Variants in PITHD1 observed in about 807,000 individuals in gnomAD.
PITHD1 encodes the protein PITH domain containing 1, also known as PITH domain-containing protein 1.
PITHD1 carries 8 observed loss-of-function variants against 27.5 expected under a neutral mutation model. That is an observed-to-expected ratio of 0.29 (90% confidence interval 0.17 to 0.52). PITHD1 has a LOEUF of 0.52. PITHD1 is among the 20% of genes least tolerant of loss of function. The pLI, the probability that PITHD1 is intolerant of heterozygous loss-of-function variation, is 0.96. For synonymous variants in PITHD1, 118 were observed against 106.8 expected (o/e 1.10, Z -0.64); for missense variants, 233 against 283.9 (o/e 0.82, Z 1.29).
chr1:23,782,717 G>A (rs570998375), intron 3 of PITHD1, among the ~76,000 whole-genome samples: 11 of 151,358 alleles, frequency 7.3e-5, no homozygotes, highest in Admixed American at 1.3e-4. Flanking sequence ...TCCTCCCACC[G>A]CAGCCTCCCA....
rs374328474 is a variant in PITHD1 at position 23,779,240 on chromosome 1, C to G, written c.199-198C>G. On this transcript the variant is annotated intron_variant, in intron 1 of 5. Transcript: ENST00000246151. The stretch of plus-strand genomic sequence containing the variant: ...TCATTCATGGGCTTTTTGTTAAGAA[C>G]CTTCCAGTTGGGTGGCCTGTGGCTG... The G allele has an allele frequency of 1.8e-5, 10 of 544,902 alleles. No individual in the cohort carries two copies. In the Middle Eastern group the frequency reaches 1.3e-3, roughly 70 times the overall value. The allele number at this position is 544,902 out of a possible 1,614,324, so 33.8% of individuals were successfully genotyped here.
chr1:23,783,883 G>A (rs1638645754), intron 3 of PITHD1, among the ~76,000 whole-genome samples: 1 of 152,174 alleles, frequency 6.6e-6, no homozygotes, highest in South Asian at 2.1e-4. Flanking sequence ...AAAGTATGTG[G>A]AGATTCATTA....
At position 23,779,721 on chromosome 1, in the gene PITHD1, G is replaced by A. The variant is rs527786447; in HGVS notation, c.243-143G>A. The A allele has an allele frequency of 8.6e-6, 6 of 696,518 alleles. No homozygotes were observed. In the East Asian group the frequency reaches 1.6e-4, roughly 18 times the overall value. The allele number at this position is 696,518 out of a possible 1,614,324, so 43.1% of individuals were successfully genotyped here. A position where few individuals can be genotyped will look rare whatever the true frequency, so the allele number is the denominator to read the frequency against. On this transcript the variant is annotated intron_variant, in intron 2 of 5. Transcript: ENST00000246151. The stretch of plus-strand genomic sequence containing the variant: ...TTAGAATTGTAGAATGCTAGAGGTA[G>A]ACAGGATCTTAGAAATTATCTAGTA...
chr1:23,779,784 G>T lies in PITHD1; in HGVS notation c.243-80G>T, dbSNP rs1638568128. 3 of 1,005,954 alleles carry T rather than the reference G, an allele frequency of 3.0e-6. No homozygotes were observed. In the Admixed American group the frequency reaches 5.1e-5, roughly 17 times the overall value. 62.3% of individuals were successfully genotyped at this position (1,005,954 alleles called of 1,614,324 possible). A position where few individuals can be genotyped will look rare whatever the true frequency, so the allele number is the denominator to read the frequency against. ...TGAGTAAACTGAAGCCCATACAGGGGAAGGGTCTTGCCCAGGGTCACACAA... is the reference window on the plus strand; with the variant it reads ...TGAGTAAACTGAAGCCCATACAGGGTAAGGGTCTTGCCCAGGGTCACACAA... On this transcript the variant is annotated intron_variant, in intron 2 of 5. Transcript: ENST00000246151.
chr1:23,784,264 G>A (rs1163817347), intron 3 of PITHD1, among the ~76,000 whole-genome samples: 8 of 108,058 alleles, frequency 7.4e-5, no homozygotes, highest in African/African-American at 1.8e-4. Context: ...TTTTTGAGAC[G>A]GAGTCTCGCT....
Position 23,787,458 on chromosome 1 carries a change from C to T in PITHD1, c.*82C>T, listed in dbSNP as rs945721231. ...TTGGGAAGGACAAAGGGATGAGGCT[C>T]CAGAGAGAGTTGGCTGCCACAGCCT... On this transcript the variant is annotated 3_prime_UTR_variant, in exon 6 of 6. Coordinates refer to ENST00000246151, the MANE Select transcript of PITHD1 (RefSeq NM_020362.5). 46 of 807,444 alleles carry T rather than the reference C, an allele frequency of 5.7e-5. No individual in the cohort carries two copies. In the South Asian group the frequency reaches 6.6e-4, roughly 12 times the overall value. The allele number at this position is 807,444 out of a possible 1,614,324, so 50.0% of individuals were successfully genotyped here. A position where few individuals can be genotyped will look rare whatever the true frequency, so the allele number is the denominator to read the frequency against.
intron 3 of PITHD1, among the ~76,000 whole-genome samples, chr1:23,784,234 CTTTTTTTTTTTTTTT>C (rs774484769): frequency 1.1e-4 from 9 of 81,438 alleles, no homozygotes; most frequent in African/African-American, 4.3e-4. Context: ...CATTTGCTTT[CTTTTTTTTTTTTTTT>C]TTTTTTTTTG....
chr1:23,782,775 T>C (rs754288690), intron 3 of PITHD1, among the ~76,000 whole-genome samples: 4 of 151,858 alleles, frequency 2.6e-5, no homozygotes, highest in Non-Finnish European at 5.9e-5. Context: ...CTAATTTATG[T>C]ATTTTTTTGC....
At chr1:23,783,844 A>C (rs375404948) in intron 3 of PITHD1, among the ~76,000 whole-genome samples, 12 of 152,272 alleles carry the variant, frequency 7.9e-5, no homozygotes, top group African/African-American at 2.9e-4. Context: ...GGCAAGATCA[A>C]CAAAATGTTG....
In PITHD1 at chr1:23,788,089, TC is replaced by T. The variant is rs1204397495; in HGVS notation, c.*717del. The T allele has an allele frequency of 6.6e-6, 1 of 152,202 alleles. No individual in the cohort carries two copies. The highest frequency in any genetic ancestry group is 1.5e-5 in the Non-Finnish European group (1 of 68,038). 9.4% of individuals were successfully genotyped at this position (152,202 alleles called of 1,614,324 possible). A position where few individuals can be genotyped will look rare whatever the true frequency, so the allele number is the denominator to read the frequency against. On this transcript the variant is annotated 3_prime_UTR_variant, in exon 6 of 6. Transcript: ENST00000246151. ...AGTAAGATTGAGACTTAGTTAAGAT[TC>T]CCCTTGGAAATTCCTTAATGTTTAT...
intron 1 of PITHD1, 147 bp downstream of exon 1, chr1:23,778,860 C>A (rs1374363152): frequency 4.4e-6 from 2 of 452,218 alleles, no homozygotes; most frequent in East Asian, 7.1e-5. Context: ...CTTTGGGAGG[C>A]GAGCAGCGTT....
Position 23,785,370 on chromosome 1 carries a change from G to A in PITHD1, c.321-305G>A, listed in dbSNP as rs950636306. On this transcript the variant is annotated intron_variant, in intron 3 of 5. Coordinates refer to ENST00000246151, the MANE Select transcript of PITHD1 (RefSeq NM_020362.5). ...TTGCCGGGCATGGTGGCGTACGCCTGTAGTCCCAGCTACTCAGGAGGCTGA... is the reference window on the plus strand; with the variant it reads ...TTGCCGGGCATGGTGGCGTACGCCTATAGTCCCAGCTACTCAGGAGGCTGA... 4 of 205,228 alleles carry A rather than the reference G, an allele frequency of 1.9e-5. No homozygotes were observed. The East Asian group carries it at 4.7e-4, about 24-fold the overall frequency. The allele number at this position is 205,228 out of a possible 1,614,324, so 12.7% of individuals were successfully genotyped here.
chr1:23,778,696 C>A lies in PITHD1; in HGVS notation c.181C>A (p.Arg61=). 7.7e-7 allele frequency: 1 copy of A among 1,298,610 alleles called. No homozygotes were observed. The highest frequency in any genetic ancestry group is 2.4e-5 in the South Asian group (1 of 41,834). The allele number at this position is 1,298,610 out of a possible 1,614,324, so 80.4% of individuals were successfully genotyped here. The change falls in exon 1 of 6, where the codon CGG becomes AGG. Residue 61 remains arginine (R), a synonymous_variant. Coordinates refer to ENST00000246151, the MANE Select transcript of PITHD1 (RefSeq NM_020362.5). ...CGGCGTCTTCAAGCCGTGGGAGGAG[C>A]GGACCGACCGCTCCAAGGTGGGCCG... ...GRGVFKPWEE[R]TDRSKFVESD...
Position 23,778,421 on chromosome 1 carries a change from T to G in PITHD1, c.-95T>G, listed in dbSNP as rs1003700727. 1.3e-5 allele frequency: 10 copies of G among 777,810 alleles called. No individual in the cohort carries two copies. Among genetic ancestry groups the G allele is most frequent in the Non-Finnish European group, 1.6e-5 (10 of 606,626 alleles). 48.2% of individuals were successfully genotyped at this position (777,810 alleles called of 1,614,324 possible). On this transcript the variant is annotated 5_prime_UTR_variant, in exon 1 of 6. Coordinates refer to ENST00000246151, the MANE Select transcript of PITHD1 (RefSeq NM_020362.5). ...ACGCGGCAGGCGCGGCGCGCTTAGT[T>G]GCCGGAGCTGAACGGCGCGGAGCTG...
At chr1:23,780,288 T>G (rs964366526) in intron 3 of PITHD1, among the ~76,000 whole-genome samples, 1 of 152,246 alleles carries the variant, frequency 6.6e-6, no homozygotes, top group African/African-American at 2.4e-5. Context: ...TTCTAGGGGT[T>G]AGCTTCAACA....
chr1:23,779,605 G>C, intron 2 of PITHD1, 124 bp downstream of exon 2: 2 of 802,976 alleles, frequency 2.5e-6, no homozygotes, highest in Non-Finnish European at 4.3e-6. Context: ...TACTTTGGTG[G>C]GTTTGAGGAG....
At chr1:23,784,771 C>T (rs929128950) in intron 3 of PITHD1, among the ~76,000 whole-genome samples, 3 of 152,182 alleles carry the variant, frequency 2.0e-5, no homozygotes. Flanking sequence ...GGCTGGAGTA[C>T]AGTGGCGTGA....
chr1:23,782,801 T>C (rs185549854), intron 3 of PITHD1, among the ~76,000 whole-genome samples: 65 of 151,834 alleles, frequency 4.3e-4, no homozygotes, highest in African/African-American at 1.5e-3. Context: ...TGGGGTTTTG[T>C]TATGTTGCCC....
chr1:23,786,407 G>C lies in PITHD1; in HGVS notation c.518G>C (p.Arg173Thr). 1 of 1,581,164 alleles carries C rather than the reference G, an allele frequency of 6.3e-7. No individual in the cohort carries two copies. The highest frequency in any genetic ancestry group is 8.7e-7 in the Non-Finnish European group (1 of 1,151,844). Residue 173 changes from arginine (R) to threonine (T), a missense_variant, in exon 5 of 6, where the codon AGA (arginine) becomes ACA (threonine). Arg to Thr is a moderately conservative substitution (Grantham distance 71). Transcript: ENST00000246151. ...DTTKVFYIGL[R>T]GEWTELRRHE... is the part of the protein sequence containing the mutation. ...ACAAAGGTCTTTTATATTGGCCTGA[G>C]AGGAGAGTGGACTGAGGTAAGATGG...
Sources: allele counts gnomAD v4.1 joint callset (sites outside exome capture counted in the v4.1 genomes callset), GRCh38; gene constraint gnomAD v4.1.1; transcripts MANE v1.5; gene names NCBI Gene and HGNC (gene_info 2026-07-23, HGNC 2026-07-21).